ANKS1B: variants seen among roughly 807,000 people sequenced by gnomAD.
The protein encoded by ANKS1B is ankyrin repeat and sterile alpha motif domain-containing protein 1B.
ANKS1B carries 36 observed loss-of-function variants against 148.3 expected under a neutral mutation model. That is an observed-to-expected ratio of 0.24 (90% CI 0.19 to 0.32). The LOEUF (loss-of-function observed/expected upper bound fraction) is 0.32. ANKS1B is among the 10% of genes least tolerant of loss of function. The pLI is 1.00. For synonymous variants in ANKS1B, 542 were observed against 560.8 expected (o/e 0.97, Z 0.47); for missense variants, 1,157 against 1,542.6 (o/e 0.75, Z 4.19).
At chr12:98,991,956 A>G (rs1485204755) in intron 17 of ANKS1B, among the ~76,000 whole-genome samples, 3 of 152,240 alleles carry the variant, frequency 2.0e-5, no homozygotes, top group African/African-American at 2.4e-5. Context: ...TAGAATATTT[A>G]TATGAAAAAG....
chr12:99,894,992 A>G (rs2093330610), intron 1 of ANKS1B, among the ~76,000 whole-genome samples: 1 of 150,874 alleles, frequency 6.6e-6, no homozygotes, highest in African/African-American at 2.4e-5. Flanking sequence ...ATCAGGACAT[A>G]ATCCCATCAC....
chr12:98,989,583 T>C (rs1471807381), intron 17 of ANKS1B, among the ~76,000 whole-genome samples: 1 of 152,184 alleles, frequency 6.6e-6, no homozygotes, highest in Admixed American at 6.6e-5. Context: ...TTGCTCATGA[T>C]TGCTTTGTCT....
intron 9 of ANKS1B, among the ~76,000 whole-genome samples, chr12:99,597,592 T>A (rs2097768680): frequency 6.6e-6 from 1 of 152,084 alleles, no homozygotes; most frequent in Non-Finnish European, 1.5e-5. Context: ...GAAATGAACA[T>A]TATTATTTTA....
chr12:99,433,288 T>C (rs2095409306), intron 11 of ANKS1B, among the ~76,000 whole-genome samples: 1 of 152,102 alleles, frequency 6.6e-6, no homozygotes, highest in Admixed American at 6.6e-5. Flanking sequence ...AAATAAAAAT[T>C]CTTTAAGCAT....
chr12:99,510,218 C>T (rs1307646005), intron 9 of ANKS1B, among the ~76,000 whole-genome samples: 1 of 151,930 alleles, frequency 6.6e-6, no homozygotes, highest in Non-Finnish European at 1.5e-5. Flanking sequence ...ATGTATTCTC[C>T]AGCCCATAGA....
At chr12:99,073,002 T>G (rs1035737874) in intron 16 of ANKS1B, among the ~76,000 whole-genome samples, 1 of 152,226 alleles carries the variant, frequency 6.6e-6, no homozygotes, top group South Asian at 2.1e-4. Flanking sequence ...GTCGTAATTT[T>G]CAATACAATT....
chr12:99,309,279 G>A (rs2082810096), intron 12 of ANKS1B, among the ~76,000 whole-genome samples: 1 of 151,710 alleles, frequency 6.6e-6, no homozygotes, highest in Non-Finnish European at 1.5e-5. Context: ...TCCATTTATT[G>A]TTTGCTAATT....
At chr12:98,985,275 G>C (rs1212560059) in intron 17 of ANKS1B, among the ~76,000 whole-genome samples, 1 of 151,934 alleles carries the variant, frequency 6.6e-6, no homozygotes, top group African/African-American at 2.4e-5. Context: ...ACTGCTCCTG[G>C]CTAATTAAAA....
chr12:99,699,605 A>G (rs1018990099), intron 8 of ANKS1B, among the ~76,000 whole-genome samples: 26 of 152,192 alleles, frequency 1.7e-4, no homozygotes, highest in African/African-American at 5.5e-4. Context: ...GCTGTTTTAA[A>G]TATCCCGTAA....
intron 4 of ANKS1B, among the ~76,000 whole-genome samples, chr12:99,785,307 T>C (rs1230990666): frequency 6.6e-6 from 1 of 151,658 alleles, no homozygotes; most frequent in Non-Finnish European, 1.5e-5. Context: ...GTGTTTTCAA[T>C]TGAATAGTGT....
chr12:99,266,864 G>A (rs1019204428), intron 12 of ANKS1B, among the ~76,000 whole-genome samples: 1 of 152,096 alleles, frequency 6.6e-6, no homozygotes, highest in African/African-American at 2.4e-5. Flanking sequence ...CAGACACTAA[G>A]CGAGGTGCTG....
At chr12:99,517,057 A>G (rs996921778) in intron 9 of ANKS1B, among the ~76,000 whole-genome samples, 1 of 152,092 alleles carries the variant, frequency 6.6e-6, no homozygotes, top group African/African-American at 2.4e-5. Context: ...GAAAAATATC[A>G]TTGGTATTTG....
intron 15 of ANKS1B, among the ~76,000 whole-genome samples, chr12:99,143,040 C>CA (rs1381356584): frequency 4.3e-4 from 65 of 152,224 alleles, no homozygotes; most frequent in African/African-American, 1.4e-3. Flanking sequence ...ACTTGAGATA[C>CA]ATTTGTTTCT....
At chr12:99,437,287 A>G (rs2095476527) in intron 11 of ANKS1B, among the ~76,000 whole-genome samples, 1 of 151,918 alleles carries the variant, frequency 6.6e-6, no homozygotes, top group Non-Finnish European at 1.5e-5. Flanking sequence ...CATCTGACCT[A>G]ATCCTCTCCT....
At chr12:99,339,405 G>A (rs966004064) in intron 12 of ANKS1B, among the ~76,000 whole-genome samples, 12 of 152,198 alleles carry the variant, frequency 7.9e-5, no homozygotes, top group Non-Finnish European at 1.5e-4. Context: ...AGGGAATGGG[G>A]CAGGGTTGGT....
intron 9 of ANKS1B, among the ~76,000 whole-genome samples, chr12:99,580,986 T>C (rs192078311): frequency 3.9e-5 from 6 of 152,320 alleles, no homozygotes; most frequent in Non-Finnish European, 7.4e-5. Context: ...AATTGACCTA[T>C]ATATTCAGTG....
At chr12:99,151,251 G>C (rs1388605531) in intron 15 of ANKS1B, among the ~76,000 whole-genome samples, 2 of 152,162 alleles carry the variant, frequency 1.3e-5, no homozygotes, top group African/African-American at 4.8e-5. Context: ...TTGGGGGCCA[G>C]GTGTGGTGGC....
chr12:99,711,888 T>C (rs929826559), intron 8 of ANKS1B, among the ~76,000 whole-genome samples: 1 of 152,146 alleles, frequency 6.6e-6, no homozygotes, highest in African/African-American at 2.4e-5. Flanking sequence ...CATAAAGACA[T>C]GCACACATGT....
intron 10 of ANKS1B, among the ~76,000 whole-genome samples, chr12:99,456,567 G>C (rs2095850378): frequency 6.6e-6 from 1 of 151,708 alleles, no homozygotes; most frequent in Non-Finnish European, 1.5e-5. Flanking sequence ...GAAATAGATA[G>C]CATAAAAAAA....
Sources: allele counts gnomAD v4.1 joint callset (sites outside exome capture counted in the v4.1 genomes callset), GRCh38; gene constraint gnomAD v4.1.1; transcripts MANE v1.5; gene names NCBI Gene and HGNC (gene_info 2026-07-23, HGNC 2026-07-21).